The following STAG1 variants were observed in gnomAD, a reference collection of about 807,000 sequenced individuals.
The protein encoded by STAG1 is cohesin subunit SA-1.
In STAG1, 26 loss-of-function variants were observed where a neutral mutation model predicts 170.9. That is an observed-to-expected ratio of 0.15 (90% CI 0.11 to 0.21). The LOEUF is 0.21. Ranked by LOEUF, STAG1 falls within the 10% of genes least tolerant of loss-of-function variation. STAG1 has a pLI of 1.00. For synonymous variants in STAG1, 514 were observed against 497.7 expected, an observed-to-expected ratio of 1.03 and a Z score of -0.44; for missense variants, 964 against 1,509.5, an observed-to-expected ratio of 0.64 and a Z score of 5.99.
At chr3:136,454,884 C>T (rs568881993) in intron 13 of STAG1, among the ~76,000 whole-genome samples, 41 of 152,208 alleles carry the variant, frequency 2.7e-4, no homozygotes, top group Non-Finnish European at 5.4e-4. Flanking sequence ...TGGATGTGTA[C>T]ATTTATGTAT....
At chr3:136,457,418 CT>C (rs1168095639) in intron 13 of STAG1, among the ~76,000 whole-genome samples, 7 of 152,152 alleles carry the variant, frequency 4.6e-5, no homozygotes, top group Admixed American at 3.9e-4. Flanking sequence ...CTTTCTACCC[CT>C]ACGTCCTCAT....
intron 9 of STAG1, among the ~76,000 whole-genome samples, chr3:136,496,701 A>C (rs1933118866): frequency 6.6e-6 from 1 of 152,192 alleles, no homozygotes; most frequent in Non-Finnish European, 1.5e-5. Flanking sequence ...AAAAGTGTCA[A>C]ATCAATGACC....
At chr3:136,663,319 A>G (rs2107867223) in intron 1 of STAG1, among the ~76,000 whole-genome samples, 1 of 152,324 alleles carries the variant, frequency 6.6e-6, no homozygotes, top group Admixed American at 6.5e-5. Flanking sequence ...CTCTCACAAC[A>G]ACCCTATGAA....
chr3:136,650,129 T>C (rs1168479480), intron 1 of STAG1, among the ~76,000 whole-genome samples: 1 of 151,308 alleles, frequency 6.6e-6, no homozygotes, highest in Admixed American at 6.6e-5. Context: ...CCGGCTACTC[T>C]GGAGGCTGAG....
chr3:136,502,456 G>A (rs939272582), intron 8 of STAG1, among the ~76,000 whole-genome samples, 172 bp downstream of exon 8: 2 of 151,930 alleles, frequency 1.3e-5, no homozygotes, highest in African/African-American at 4.8e-5. Context: ...GCCATCAGAC[G>A]GCACTTACAT....
chr3:136,605,010 AC>A (rs1427853210), intron 3 of STAG1, among the ~76,000 whole-genome samples: 1 of 152,148 alleles, frequency 6.6e-6, no homozygotes, highest in Non-Finnish European at 1.5e-5. Context: ...GAATATTTTA[AC>A]CTTGCCCCTT....
At chr3:136,568,574 G>T (rs1298975252) in intron 5 of STAG1, among the ~76,000 whole-genome samples, 191 bp downstream of exon 5, 1 of 151,968 alleles carries the variant, frequency 6.6e-6, no homozygotes. Flanking sequence ...TACTTTATAG[G>T]AGCAAAACTG....
chr3:136,551,254 A>AGT (rs1936384329), intron 5 of STAG1, among the ~76,000 whole-genome samples: 1 of 137,642 alleles, frequency 7.3e-6, no homozygotes, highest in African/African-American at 2.8e-5. Context: ...AGAGAGAGAG[A>AGT]GAGAGAGGGA....
At chr3:136,497,568 C>T (rs577709293) in intron 9 of STAG1, among the ~76,000 whole-genome samples, 136 of 152,186 alleles carry the variant, frequency 8.9e-4, no homozygotes, top group African/African-American at 2.9e-3. Flanking sequence ...CGGCTGGGCG[C>T]GATGGCTCAT....
intron 1 of STAG1, among the ~76,000 whole-genome samples, chr3:136,702,555 T>G (rs969073477): frequency 1.3e-5 from 2 of 151,932 alleles, no homozygotes; most frequent in African/African-American, 2.4e-5. Flanking sequence ...CCCAGCTAAT[T>G]TTTTATTTTT....
intron 4 of STAG1, 47 bp downstream of exon 4, chr3:136,604,262 T>C: frequency 6.5e-7 from 1 of 1,543,278 alleles, no homozygotes; most frequent in Non-Finnish European, 8.7e-7. Flanking sequence ...TCCACCCAAG[T>C]TATTAACTGT....
At chr3:136,637,330 A>G (rs986460900) in intron 1 of STAG1, among the ~76,000 whole-genome samples, 2 of 152,234 alleles carry the variant, frequency 1.3e-5, no homozygotes, top group African/African-American at 2.4e-5. Flanking sequence ...AGGAAACATT[A>G]AGACTCAAGA....
intron 5 of STAG1, among the ~76,000 whole-genome samples, chr3:136,565,608 A>T (rs1233039515): frequency 6.6e-6 from 1 of 152,222 alleles, no homozygotes; most frequent in Non-Finnish European, 1.5e-5. Context: ...CCACTGTGGA[A>T]AACAGTTTGG....
At chr3:136,356,226 C>T (rs1936647889) in intron 28 of STAG1, among the ~76,000 whole-genome samples, 1 of 152,116 alleles carries the variant, frequency 6.6e-6, no homozygotes, top group Admixed American at 6.6e-5. Context: ...GGCATTAGAG[C>T]ATAAGCTTTA....
chr3:136,343,985 C>A lies in STAG1; in HGVS notation c.3293G>T (p.Trp1098Leu). The change falls in exon 30 of 34, where the codon TGG (tryptophan) becomes TTG (leucine). Residue 1098 changes from tryptophan to leucine, a missense_variant. Trp to Leu is a moderately conservative substitution (Grantham distance 61). Transcript: ENST00000383202. ...RVEDESLDNT[W>L]LNRTDTMIQT... ...AATCATGGTGTCAGTCCTGTTTAGC[C>A]ATGTGTTATCCAGACTCTCATCTGT... is the stretch of plus-strand genomic sequence containing the variant. The A allele has an allele frequency of 1.9e-6, 3 of 1,594,800 alleles. No homozygotes were observed. The highest frequency in any genetic ancestry group is 2.6e-6 in the Non-Finnish European group (3 of 1,173,294).
intron 22 of STAG1, among the ~76,000 whole-genome samples, chr3:136,393,760 T>G (rs1238872355): frequency 6.6e-6 from 1 of 151,910 alleles, no homozygotes; most frequent in Non-Finnish European, 1.5e-5. Flanking sequence ...TACACTTGGC[T>G]AATTTTTGTA....
intron 21 of STAG1, among the ~76,000 whole-genome samples, chr3:136,399,128 C>T (rs2087247375): frequency 6.6e-6 from 1 of 152,078 alleles, no homozygotes; most frequent in African/African-American, 2.4e-5. Context: ...TAAAAGGAGA[C>T]TGATGAAATT....
intron 6 of STAG1, among the ~76,000 whole-genome samples, chr3:136,526,280 T>G (rs963022781): frequency 6.6e-5 from 10 of 152,354 alleles, no homozygotes; most frequent in South Asian, 2.1e-4. Flanking sequence ...TGGGTGCTCC[T>G]GTATTGGGTG....
intron 5 of STAG1, among the ~76,000 whole-genome samples, chr3:136,558,620 T>C (rs1004812792): frequency 1.3e-5 from 2 of 152,226 alleles, no homozygotes; most frequent in African/African-American, 4.8e-5. Context: ...ATACTGGCAA[T>C]ACTATCTATG....
Sources: gnomAD v4.1 joint callset for allele counts (sites outside exome capture counted in the v4.1 genomes callset) on GRCh38, gnomAD v4.1.1 for gene constraint, MANE v1.5 for transcripts, NCBI Gene and HGNC (gene_info 2026-07-23, HGNC 2026-07-21) for gene names.